The following JCAD variants were observed in gnomAD, a reference collection of about 807,000 sequenced individuals.
JCAD encodes junctional cadherin 5 associated.
In JCAD, 40 loss-of-function variants were observed where a neutral mutation model predicts 98.0. The ratio of observed to expected loss-of-function variants is 0.41; its 90% CI spans 0.32 to 0.53. The LOEUF (loss-of-function observed/expected upper bound fraction) is 0.53, where lower values mean the gene tolerates loss of function less well. Among genes scored for constraint, JCAD ranks in the 20% least tolerant of loss-of-function variants. JCAD has a pLI of 0.31. For missense variants in JCAD, 1,705 were observed against 1,738.1 expected, an observed-to-expected ratio of 0.98 and a Z score of 0.34; for synonymous variants, 691 against 682.3, an observed-to-expected ratio of 1.01 and a Z score of -0.20.
At chr10:30,019,989 TAAA>T (rs71023538) in intron 3 of JCAD, among the ~76,000 whole-genome samples, 1 of 133,930 alleles carries the variant, frequency 7.5e-6, no homozygotes, top group Non-Finnish European at 1.6e-5. Context: ...GTGATTCACT[TAAA>T]AAAAAAAAAA....
chr10:30,094,375 G>A (rs1387449864), intron 1 of JCAD, among the ~76,000 whole-genome samples: 1 of 152,130 alleles, frequency 6.6e-6, no homozygotes, highest in Non-Finnish European at 1.5e-5. Context: ...CACGATCCCG[G>A]GAGGCGGGAG....
chr10:30,068,187 G>T (rs1470802140), intron 2 of JCAD, among the ~76,000 whole-genome samples: 1 of 151,942 alleles, frequency 6.6e-6, no homozygotes, highest in African/African-American at 2.4e-5. Flanking sequence ...TCAGGAGTTC[G>T]AGACCAGCCT....
At chr10:30,079,046 AC>A (rs1838028832) in intron 1 of JCAD, among the ~76,000 whole-genome samples, 1 of 152,036 alleles carries the variant, frequency 6.6e-6, no homozygotes, top group Admixed American at 6.6e-5. Flanking sequence ...CAGCAGGGAA[AC>A]CCACCTCTGC....
intron 1 of JCAD, among the ~76,000 whole-genome samples, chr10:30,100,004 A>G (rs749659159): frequency 1.3e-5 from 2 of 152,082 alleles, no homozygotes; most frequent in Non-Finnish European, 2.9e-5. Flanking sequence ...AAATTAGCCA[A>G]TCGGAATTAG....
intron 1 of JCAD, among the ~76,000 whole-genome samples, chr10:30,107,505 A>G (rs1397530988): frequency 6.6e-6 from 1 of 152,198 alleles, no homozygotes; most frequent in African/African-American, 2.4e-5. Flanking sequence ...GAAATTGCCC[A>G]CCCCTTTCCT....
In JCAD at chr10:30,041,201, C is replaced by T. The variant is rs187331369; in HGVS notation, c.281+6331G>A. Among the ~76,000 whole-genome samples, 59 of 152,032 alleles carry T rather than the reference C, an allele frequency of 3.9e-4. No homozygotes were observed. The East Asian group carries it at 0.011, about 28-fold the overall frequency. ...TTCTGGAAGTTTCCACACTTACGAA[C>T]GAGACCAAGGAGAAGGGCATACAGA... On this transcript the variant is annotated intron_variant, in intron 2 of 3. Coordinates refer to ENST00000375377, the MANE Select transcript of JCAD (RefSeq NM_020848.4).
At chr10:30,070,103 G>A (rs1441485553) in intron 1 of JCAD, among the ~76,000 whole-genome samples, 2 of 152,288 alleles carry the variant, frequency 1.3e-5, no homozygotes, top group Middle Eastern at 3.4e-3. Context: ...AGCGACTACA[G>A]AGGATAATTA....
intron 1 of JCAD, among the ~76,000 whole-genome samples, chr10:30,096,620 A>ATT (rs1209765865): frequency 3.6e-5 from 5 of 140,170 alleles, no homozygotes; most frequent in African/African-American, 2.6e-5. Flanking sequence ...ATGAGCTGGG[A>ATT]TTTTTTTTTT....
intron 1 of JCAD, among the ~76,000 whole-genome samples, chr10:30,081,481 G>A (rs908644477): frequency 1.3e-5 from 2 of 152,150 alleles, no homozygotes; most frequent in Non-Finnish European, 2.9e-5. Flanking sequence ...ACCCAGGCTG[G>A]AGTGCAGTGG....
chr10:30,107,126 G>A (rs919658281), intron 1 of JCAD, among the ~76,000 whole-genome samples: 1 of 152,156 alleles, frequency 6.6e-6, no homozygotes, highest in Non-Finnish European at 1.5e-5. Flanking sequence ...TTGATTGTCA[G>A]AGATGTTTAA....
At position 30,014,476 on chromosome 10, in the gene JCAD, C is replaced by T. The variant is rs1361663463; in HGVS notation, c.*3407G>A. ...TGGTCACTTTGCAAGAGATGCTATC[C>T]TGACATTTAATTGTGTATTATTTAA... On this transcript the variant is annotated 3_prime_UTR_variant, in exon 4 of 4. Transcript: ENST00000375377. 2 of 152,122 alleles carry T rather than the reference C, an allele frequency of 1.3e-5. No homozygotes were observed. Among genetic ancestry groups the T allele is most frequent in the Non-Finnish European group, 2.9e-5 (2 of 68,034 alleles). The allele number at this position is 152,122 out of a possible 1,614,324, so 9.4% of individuals were successfully genotyped here.
At chr10:30,054,637 A>G (rs1362090117) in intron 1 of JCAD, among the ~76,000 whole-genome samples, 1 of 151,928 alleles carries the variant, frequency 6.6e-6, no homozygotes, top group Non-Finnish European at 1.5e-5. Flanking sequence ...AAACTTTCAT[A>G]AATGAAATGC....
chr10:30,106,212 C>T (rs181007743), intron 1 of JCAD, among the ~76,000 whole-genome samples: 94 of 152,076 alleles, frequency 6.2e-4, no homozygotes, highest in Admixed American at 3.4e-3. Flanking sequence ...CACTTGATGC[C>T]GGGAGTTCAA....
chr10:30,045,425 T>G lies in JCAD; in HGVS notation c.281+2107A>C, dbSNP rs116369013. Among the ~76,000 whole-genome samples, 786 of 152,272 alleles carry G rather than the reference T, an allele frequency of 5.2e-3. 6 individuals are homozygous for G. The highest frequency in any genetic ancestry group is 0.018 in the African/African-American group (753 of 41,534). ...AGAATAAATTGAGCACATGAGCATG[T>G]ATTAAATAACCATATATGCCCTGTA... On this transcript the variant is annotated intron_variant, in intron 2 of 3. Transcript: ENST00000375377.
intron 1 of JCAD, among the ~76,000 whole-genome samples, chr10:30,095,166 T>C (rs1376829218): frequency 7.9e-5 from 12 of 152,192 alleles, no homozygotes; most frequent in Non-Finnish European, 2.9e-5. Context: ...CCCTGGTTCA[T>C]GCCTCTATTT....
At chr10:30,110,271 GC>G (rs1448216215) in intron 1 of JCAD, among the ~76,000 whole-genome samples, 25 of 151,352 alleles carry the variant, frequency 1.7e-4, no homozygotes, top group African/African-American at 5.1e-4. Flanking sequence ...GTATGGGCCA[GC>G]TGATGTATAG....
intron 2 of JCAD, among the ~76,000 whole-genome samples, chr10:30,042,205 T>C (rs932457456): frequency 6.6e-6 from 1 of 152,208 alleles, no homozygotes; most frequent in Admixed American, 6.5e-5. Flanking sequence ...ATTTGTCAAA[T>C]TGTCTGTGAA....
chr10:30,017,851 C>G lies in JCAD; in HGVS notation c.*32G>C. On this transcript the variant is annotated 3_prime_UTR_variant, in exon 4 of 4. Transcript: ENST00000375377. ...ACCAGCTACTTGAGAATACTCAATT[C>G]GCAACGGAATGCAAGCTCCACCGGC... is the stretch of plus-strand genomic sequence containing the variant. 1 of 1,601,324 alleles carries G rather than the reference C, an allele frequency of 6.2e-7. No individual in the cohort carries two copies. Among genetic ancestry groups the G allele is most frequent in the Non-Finnish European group, 8.6e-7 (1 of 1,168,392 alleles).
intron 3 of JCAD, among the ~76,000 whole-genome samples, chr10:30,020,326 C>CAAAAAAAAAAAAA (rs59762991): frequency 1.7e-4 from 14 of 82,990 alleles, no homozygotes; most frequent in Non-Finnish European, 2.9e-4. Flanking sequence ...GACTCGGTCT[C>CAAAAAAAAAAAAA]AAAAAAAAAA....
Sources: allele counts gnomAD v4.1 joint callset (sites outside exome capture counted in the v4.1 genomes callset), GRCh38; gene constraint gnomAD v4.1.1; transcripts MANE v1.5; gene names NCBI Gene and HGNC (gene_info 2026-07-23, HGNC 2026-07-21).